The following INTS1 variants were observed in gnomAD, a reference collection of about 807,000 sequenced individuals.
INTS1 encodes integrator complex subunit 1.
In INTS1, 137 loss-of-function variants were observed where a neutral mutation model predicts 241.6. The observed-to-expected ratio is 0.57, with a 90% confidence interval of 0.49 to 0.65. The LOEUF is 0.65. Ranked by LOEUF, INTS1 falls within the 30% of genes least tolerant of loss-of-function variation. INTS1 has a pLI of 0.00. For missense variants in INTS1, 3,073 were observed against 3,032.2 expected (o/e 1.01, Z -0.32); for synonymous variants, 1,692 against 1,337.8 (o/e 1.26, Z -5.78).
chr7:1,483,719 T>A, intron 26 of INTS1, 23 bp downstream of exon 26: 1 of 1,592,056 alleles, frequency 6.3e-7, no homozygotes, highest in Non-Finnish European at 8.6e-7. Flanking sequence ...AAGCTGCCCC[T>A]CCCGGGGCCT....
chr7:1,478,323 C>A, intron 33 of INTS1, 43 bp downstream of exon 33: 1 of 1,603,932 alleles, frequency 6.2e-7, no homozygotes, highest in Non-Finnish European at 8.5e-7. Flanking sequence ...TTTGGGTCTT[C>A]CCAGGGCCGC....
intron 41 of INTS1, among the ~76,000 whole-genome samples, 190 bp downstream of exon 41, chr7:1,473,978 G>A (rs1034629125): frequency 2.0e-5 from 3 of 152,216 alleles, no homozygotes; most frequent in African/African-American, 7.2e-5. Flanking sequence ...GAAGGACGTG[G>A]GCCCCCCAGG....
In INTS1 at chr7:1,474,808, G is replaced by A. The variant is rs752120836; in HGVS notation, c.5533C>T (p.Leu1845Phe). 5.7e-6 allele frequency: 9 copies of A among 1,590,664 alleles called. No individual in the cohort carries two copies. Among genetic ancestry groups the A allele is most frequent in the African/African-American group, 1.3e-5 (1 of 74,602 alleles). The change falls in exon 40 of 48, where the codon CTC (leucine) becomes TTC (phenylalanine). Residue 1845 changes from leucine (L) to phenylalanine (F), a missense_variant. Leu to Phe is a conservative substitution (Grantham distance 22). Transcript: ENST00000404767. ...LDGLIHRFIT[L>F]LADTSDSRAL... ...CGGGAGTCGCTGGTGTCCGCAAGGA[G>A]CGTGATGAAGCGGTGGATGAGTCCG... is the stretch of plus-strand genomic sequence containing the variant.
chr7:1,474,809 C>T lies in INTS1; in HGVS notation c.5532G>A (p.Thr1844=), dbSNP rs561160944. The change falls in exon 40 of 48, where the codon ACG becomes ACA. Residue 1844 remains threonine, a synonymous_variant. Transcript: ENST00000404767. ...GGGAGTCGCTGGTGTCCGCAAGGAG[C>T]GTGATGAAGCGGTGGATGAGTCCGT... ...KLDGLIHRFI[T]LLADTSDSRA... is the part of the protein sequence containing the mutation. 4.4e-5 allele frequency: 70 copies of T among 1,590,352 alleles called. 1 individual carries two copies. Among genetic ancestry groups the T allele is most frequent in the Admixed American group, 1.2e-4 (7 of 57,304 alleles).
Position 1,474,788 on chromosome 7 carries a change from G to A in INTS1, c.5553C>T (p.Asp1851=). ...CCCCTCGGTTCTCCAACGCCCGGGA[G>A]TCGCTGGTGTCCGCAAGGAGCGTGA... ...RFITLLADTS[D]SRALENRGAD... The change falls in exon 40 of 48, where the codon GAC becomes GAT. Residue 1851 remains aspartate (D), a synonymous_variant. Coordinates refer to ENST00000404767, the MANE Select transcript of INTS1 (RefSeq NM_001080453.3). The A allele has an allele frequency of 1.3e-6, 2 of 1,584,822 alleles. No homozygotes were observed. Among genetic ancestry groups the A allele is most frequent in the Non-Finnish European group, 8.6e-7 (1 of 1,167,990 alleles).
chr7:1,493,165 A>C lies in INTS1; in HGVS notation c.2069-59T>G. The C allele has an allele frequency of 1.4e-6, 2 of 1,380,638 alleles. No individual in the cohort carries two copies. The highest frequency in any genetic ancestry group is 2.0e-6 in the Non-Finnish European group (2 of 987,450). The allele number at this position is 1,380,638 out of a possible 1,614,324, so 85.5% of individuals were successfully genotyped here. A position where few individuals can be genotyped will look rare whatever the true frequency, so the allele number is the denominator to read the frequency against. Reference sequence around the variant, plus strand: ...TGCTCACAGACCATCAGGCACAGGCAGCGAGGGAACCGGCCCTGCTCGGGC... The same window carrying C: ...TGCTCACAGACCATCAGGCACAGGCCGCGAGGGAACCGGCCCTGCTCGGGC... On this transcript the variant is annotated intron_variant, in intron 15 of 47. Coordinates refer to ENST00000404767, the MANE Select transcript of INTS1 (RefSeq NM_001080453.3). The surrounding 1 kb of genome is among the most constrained non-coding windows in gnomAD (Gnocchi z 5.3).
Position 1,481,548 on chromosome 7 carries a change from C to T in INTS1, c.3704-60G>A, listed in dbSNP as rs548697641. The T allele has an allele frequency of 2.8e-5, 42 of 1,522,182 alleles. No individual in the cohort carries two copies. In the Middle Eastern group the frequency reaches 5.5e-4, roughly 20 times the overall value. The allele number at this position is 1,522,182 out of a possible 1,614,324, so 94.3% of individuals were successfully genotyped here. A position where few individuals can be genotyped will look rare whatever the true frequency, so the allele number is the denominator to read the frequency against. On this transcript the variant is annotated intron_variant, in intron 27 of 47. Coordinates refer to ENST00000404767, the MANE Select transcript of INTS1 (RefSeq NM_001080453.3). The surrounding 1 kb of genome is among the most constrained non-coding windows in gnomAD (Gnocchi z 6.8). Reference sequence around the variant, plus strand: ...ACCCGGGCAATGCGCACTCGGGACCCCACCCGAGACCTGGGGCTGCCTGTG... The same window carrying T: ...ACCCGGGCAATGCGCACTCGGGACCTCACCCGAGACCTGGGGCTGCCTGTG...
chr7:1,494,896 G>T lies in INTS1; in HGVS notation c.1833-3C>A. The T allele has an allele frequency of 6.4e-7, 1 of 1,557,756 alleles. No individual in the cohort carries two copies. Among genetic ancestry groups the T allele is most frequent in the Non-Finnish European group, 8.7e-7 (1 of 1,151,502 alleles). ...CTGTGAACAGCACCTTGTGCAGGCT[G>T]GGCAGGCAGAGAAGAGCCCTCAGTC... On this transcript the variant is annotated splice_region_variant and splice_polypyrimidine_tract_variant and intron_variant, in intron 13 of 47. Transcript: ENST00000404767.
At position 1,478,708 on chromosome 7, in the gene INTS1, G is replaced by A; in HGVS notation, c.4489+18C>T. On this transcript the variant is annotated intron_variant, in intron 32 of 47. Coordinates refer to ENST00000404767, the MANE Select transcript of INTS1 (RefSeq NM_001080453.3). ...TCCAGTGCCCCCCAGCCGTCTGCCAGCCCGGCGCGGTCCTCACCATCACTG... is the reference window on the plus strand; with the variant it reads ...TCCAGTGCCCCCCAGCCGTCTGCCAACCCGGCGCGGTCCTCACCATCACTG... 3 of 1,538,578 alleles carry A rather than the reference G, an allele frequency of 1.9e-6. No homozygotes were observed. The highest frequency in any genetic ancestry group is 2.6e-6 in the Non-Finnish European group (3 of 1,140,096).
chr7:1,479,849 G>A (rs143415116), intron 30 of INTS1, among the ~76,000 whole-genome samples, 165 bp from the exon 31 acceptor site: 4 of 152,356 alleles, frequency 2.6e-5, no homozygotes, highest in African/African-American at 9.6e-5. Flanking sequence ...GGGCCCTTGA[G>A]ACCTGTGATG....
chr7:1,502,357 A>G (rs1783226440), intron 3 of INTS1, among the ~76,000 whole-genome samples: 1 of 152,124 alleles, frequency 6.6e-6, no homozygotes, highest in Admixed American at 6.5e-5. Context: ...GATTCTAGGC[A>G]CACAGTTAAA....
Position 1,476,059 on chromosome 7 carries a change from C to T in INTS1, c.5391G>A (p.Arg1797=). 1 of 1,544,028 alleles carries T rather than the reference C, an allele frequency of 6.5e-7. No homozygotes were observed. Among genetic ancestry groups the T allele is most frequent in the Non-Finnish European group, 8.7e-7 (1 of 1,146,426 alleles). ...GCTGCAGGAGAAGGTCTCGGCAGCG[C>T]CTGCCCAGCACGCTGGAAGAGGTGG... The part of the protein sequence containing the change: ...IQQWGDSVLG[R]RCRDLLLQLY... Residue 1797 remains arginine (R), a synonymous_variant, in exon 39 of 48, where the codon AGG becomes AGA. Transcript: ENST00000404767.
At chr7:1,474,038 A>G (rs1584257214) in intron 41 of INTS1, 130 bp downstream of exon 41, 2 of 1,089,430 alleles carry the variant, frequency 1.8e-6, no homozygotes, top group East Asian at 5.2e-5. Context: ...GCTGGTCCCC[A>G]GGGCAGGTGG....
rs148450923 is a variant in INTS1 at position 1,481,653 on chromosome 7, G to A, written c.3704-165C>T. Among the ~76,000 whole-genome samples, 1,710 of 146,350 alleles carry A rather than the reference G, an allele frequency of 0.012. 61 individuals are homozygous for A. Among genetic ancestry groups the A allele is most frequent in the African/African-American group, 0.041 (1,582 of 38,752 alleles). Reference sequence around the variant, plus strand: ...CCAAGACCTGGGGCAGTGCACACTCGGCAGCCCCACCTGAGACCCTGGGCC... The same window carrying A: ...CCAAGACCTGGGGCAGTGCACACTCAGCAGCCCCACCTGAGACCCTGGGCC... On this transcript the variant is annotated intron_variant, in intron 27 of 47. Transcript: ENST00000404767. This position sits in a 1 kb window ranked among gnomAD's most constrained non-coding sequence, Gnocchi z 6.8.
chr7:1,492,411 G>T (rs1782600443), intron 16 of INTS1, among the ~76,000 whole-genome samples: 1 of 152,206 alleles, frequency 6.6e-6, no homozygotes, highest in African/African-American at 2.4e-5. Context: ...GGTGACGGCA[G>T]GTGAGCAGCT....
Position 1,494,980 on chromosome 7 carries a change from C to T in INTS1, c.1833-87G>A, listed in dbSNP as rs527712074. On this transcript the variant is annotated intron_variant, in intron 13 of 47. Coordinates refer to ENST00000404767, the MANE Select transcript of INTS1 (RefSeq NM_001080453.3). ...TTCCAGGGAAGGGACCCCGCTCCCA[C>T]GGGCCCCAGCGCTCAGAGGCCGGGC... 89 of 1,468,040 alleles carry T rather than the reference C, an allele frequency of 6.1e-5. No individual in the cohort carries two copies. The African/African-American group carries it at 8.4e-4, about 14-fold the overall frequency. 90.9% of individuals were successfully genotyped at this position (1,468,040 alleles called of 1,614,324 possible). A position where few individuals can be genotyped will look rare whatever the true frequency, so the allele number is the denominator to read the frequency against.
At chr7:1,489,099 C>G (rs971794870) in intron 18 of INTS1, among the ~76,000 whole-genome samples, 1 of 152,212 alleles carries the variant, frequency 6.6e-6, no homozygotes, top group Admixed American at 6.5e-5. Context: ...GCTGGGGGTG[C>G]CTGCGGACCT....
intron 39 of INTS1, among the ~76,000 whole-genome samples, chr7:1,475,725 CACA>C (rs1339839547): frequency 6.6e-6 from 1 of 152,264 alleles, no homozygotes; most frequent in East Asian, 1.9e-4. Flanking sequence ...ACCCAGTGCC[CACA>C]ACACCACGAC....
intron 40 of INTS1, 23 bp from the exon 41 acceptor site, chr7:1,474,383 GTCAGCCCCGGCCGGCGGGC>G (rs764981232): frequency 6.4e-7 from 1 of 1,563,728 alleles, no homozygotes; most frequent in Non-Finnish European, 8.7e-7. Flanking sequence ...TGAGGGCCCA[GTCAGCCCCGGCCGGCGGGC>G]TCACCTGGCG....
Sources: allele counts gnomAD v4.1 joint callset (sites outside exome capture counted in the v4.1 genomes callset), GRCh38; gene constraint gnomAD v4.1.1; non-coding constraint Gnocchi (gnomAD v3.1); transcripts MANE v1.5; gene names NCBI Gene and HGNC (gene_info 2026-07-23, HGNC 2026-07-21).